The following PKP4 variants were observed in gnomAD, a reference collection of about 807,000 sequenced individuals.
PKP4 encodes the protein plakophilin-4.
Under a neutral mutation model 145.1 loss-of-function variants are expected in PKP4, and 90 were observed. That is an observed-to-expected ratio of 0.62 (90% confidence interval 0.52 to 0.74). The LOEUF is 0.74. Among genes scored for constraint, PKP4 ranks in the 30% least tolerant of loss-of-function variants. The probability of loss-of-function intolerance (pLI) is 0.00; values close to 1 mark genes in which losing one functional copy is unlikely to be tolerated. For synonymous variants in PKP4, 563 were observed against 577.2 expected, an observed-to-expected ratio of 0.98 and a Z score of 0.35; for missense variants, 1,340 against 1,482.7, an observed-to-expected ratio of 0.90 and a Z score of 1.58.
rs75193131 is a variant in PKP4, at chr2:158,464,573, G to A, written c.-6+7355G>A. Among the ~76,000 whole-genome samples, 1,097 of 152,310 alleles carry A rather than the reference G, an allele frequency of 7.2e-3. 14 individuals carry two copies. Among genetic ancestry groups the A allele is most frequent in the African/African-American group, 0.025 (1,045 of 41,558 alleles). ...TGCTAATGCAATAAGCACATTATTTGCAAAGGGAAGCATTAATTATACTAC... is the reference window on the plus strand; with the variant it reads ...TGCTAATGCAATAAGCACATTATTTACAAAGGGAAGCATTAATTATACTAC... On this transcript the variant is annotated intron_variant, in intron 1 of 21. Transcript: ENST00000389759.
intron 11 of PKP4, among the ~76,000 whole-genome samples, chr2:158,654,423 TG>T (rs2055708227): frequency 1.3e-5 from 2 of 152,226 alleles, no homozygotes; most frequent in South Asian, 4.1e-4. Flanking sequence ...TCATTTTAGT[TG>T]ACTAAAAGAT....
At chr2:158,577,177 G>A (rs2047923215) in intron 2 of PKP4, 94 bp from the exon 3 acceptor site, 3 of 722,388 alleles carry the variant, frequency 4.2e-6, no homozygotes, top group Non-Finnish European at 7.0e-6. Context: ...TTATGGGTAC[G>A]TTCCTATGTT....
chr2:158,663,338 C>T lies in PKP4; in HGVS notation c.2470C>T (p.Pro824Ser). The T allele has an allele frequency of 6.2e-7, 1 of 1,614,026 alleles. No homozygotes were observed. The highest frequency in any genetic ancestry group is 8.5e-7 in the Non-Finnish European group (1 of 1,179,928). Residue 824 changes from proline (P) to serine (S), a missense_variant, in exon 15 of 22, where the codon CCA becomes TCA. By Grantham distance (74) the Pro-to-Ser change is moderately conservative. Coordinates refer to ENST00000389759, the MANE Select transcript of PKP4 (RefSeq NM_003628.6). Reference sequence around the variant, plus strand: ...CAAAGGGGTTGAGATGCTGTGGCACCCATCGGTGGTAAAACCATATCTGAC... The same window carrying T: ...CAAAGGGGTTGAGATGCTGTGGCACTCATCGGTGGTAAAACCATATCTGAC... The part of the protein sequence containing the change: ...SPKGVEMLWH[P>S]SVVKPYLTLL...
chr2:158,510,519 A>T (rs747785583), intron 1 of PKP4, among the ~76,000 whole-genome samples: 1 of 152,220 alleles, frequency 6.6e-6, no homozygotes, highest in African/African-American at 2.4e-5. Context: ...GAGTCATCGA[A>T]AAAAGGCAAT....
chr2:158,673,677 A>T lies in PKP4; in HGVS notation c.2925A>T (p.Arg975Ser). ...LVNITKGRGD[R>S]SSLKVVKAAA... ...ATTAATATCCTTGCTCTCTACCTAGATCATCTCTGAAAGTGGTGAAGGCAG... is the reference window on the plus strand; with the variant it reads ...ATTAATATCCTTGCTCTCTACCTAGTTCATCTCTGAAAGTGGTGAAGGCAG... The change falls in exon 18 of 22, where the codon AGA (arginine) becomes AGT (serine). Residue 975 changes from arginine to serine, a missense_variant and splice_region_variant. By Grantham distance (110) the Arg-to-Ser change is moderately radical. Coordinates refer to ENST00000389759, the MANE Select transcript of PKP4 (RefSeq NM_003628.6). The T allele has an allele frequency of 6.2e-7, 1 of 1,606,996 alleles. No individual in the cohort carries two copies.
chr2:158,554,309 G>A (rs1004335299), intron 2 of PKP4, among the ~76,000 whole-genome samples: 26 of 152,086 alleles, frequency 1.7e-4, no homozygotes, highest in African/African-American at 6.3e-4. Flanking sequence ...CCAGGCTCTG[G>A]TAGGGCAGTC....
At chr2:158,528,644 AAAAAAG>A (rs2043199436) in intron 1 of PKP4, among the ~76,000 whole-genome samples, 1 of 141,024 alleles carries the variant, frequency 7.1e-6, no homozygotes, top group African/African-American at 2.6e-5. Flanking sequence ...AATAAAAAAA[AAAAAAG>A]AAAAGAAACT....
chr2:158,531,178 A>G (rs781187265), intron 1 of PKP4, among the ~76,000 whole-genome samples: 11 of 152,170 alleles, frequency 7.2e-5, no homozygotes, highest in Non-Finnish European at 1.5e-4. Context: ...ATATAATTCT[A>G]TGTCTTTTTA....
chr2:158,659,542 T>A (rs539823587), intron 12 of PKP4: 1 of 152,238 alleles, frequency 6.6e-6, no homozygotes, highest in East Asian at 1.9e-4. Flanking sequence ...TAACAGTAGG[T>A]GCCATAAAAA....
intron 2 of PKP4, among the ~76,000 whole-genome samples, chr2:158,539,646 C>T (rs2044349432): frequency 6.6e-6 from 1 of 152,054 alleles, no homozygotes; most frequent in South Asian, 2.1e-4. Context: ...ACCGTGTAAC[C>T]CACAGTGAAG....
chr2:158,479,317 G>A (rs1267108146), intron 1 of PKP4, among the ~76,000 whole-genome samples: 1 of 151,912 alleles, frequency 6.6e-6, no homozygotes, highest in East Asian at 1.9e-4. Flanking sequence ...TCCACCTCCC[G>A]GGATTAAGCG....
At chr2:158,672,563 G>A (rs1269429876) in intron 17 of PKP4, among the ~76,000 whole-genome samples, 3 of 152,214 alleles carry the variant, frequency 2.0e-5, no homozygotes, top group Non-Finnish European at 4.4e-5. Context: ...GCTATGTGGG[G>A]CAAGTGCCCT....
chr2:158,564,320 G>C (rs1348795668), intron 2 of PKP4, among the ~76,000 whole-genome samples: 1 of 151,960 alleles, frequency 6.6e-6, no homozygotes, highest in African/African-American at 2.4e-5. Flanking sequence ...CATATATAAT[G>C]GTCCTTCTGA....
At chr2:158,567,558 G>A (rs1295588027) in intron 2 of PKP4, among the ~76,000 whole-genome samples, 1 of 152,206 alleles carries the variant, frequency 6.6e-6, no homozygotes, top group Non-Finnish European at 1.5e-5. Flanking sequence ...AGGCAAGTCA[G>A]TTCTCTATGA....
At chr2:158,623,665 C>T (rs1489140671) in intron 6 of PKP4, among the ~76,000 whole-genome samples, 11 of 152,254 alleles carry the variant, frequency 7.2e-5, no homozygotes, top group Admixed American at 2.6e-4. Context: ...CAGTTGCATG[C>T]GACACCTGGA....
At chr2:158,676,902 T>A in intron 20 of PKP4, 35 bp downstream of exon 20, 8 of 1,613,672 alleles carry the variant, frequency 5.0e-6, no homozygotes, top group Non-Finnish European at 6.8e-6. Flanking sequence ...TACAGTCTCT[T>A]GAAAAGCCGC....
intron 1 of PKP4, among the ~76,000 whole-genome samples, chr2:158,487,106 A>G (rs1198972418): frequency 6.6e-6 from 1 of 152,202 alleles, no homozygotes; most frequent in Admixed American, 6.5e-5. Flanking sequence ...ACAGAGAAGT[A>G]GTGGCCAGAG....
At chr2:158,573,891 G>A (rs1267600979) in intron 2 of PKP4, among the ~76,000 whole-genome samples, 2 of 152,212 alleles carry the variant, frequency 1.3e-5, no homozygotes, top group Admixed American at 6.5e-5. Flanking sequence ...TTCTCAGAGG[G>A]TGTGCCCATG....
intron 1 of PKP4, among the ~76,000 whole-genome samples, chr2:158,507,179 G>C (rs147545097): frequency 2.1e-3 from 313 of 152,030 alleles, no homozygotes; most frequent in Admixed American, 3.5e-3. Flanking sequence ...TTTTGCAGTG[G>C]TGCAGATATA....
Sources: allele counts gnomAD v4.1 joint callset (sites outside exome capture counted in the v4.1 genomes callset), GRCh38; gene constraint gnomAD v4.1.1; transcripts MANE v1.5; gene names NCBI Gene and HGNC (gene_info 2026-07-23, HGNC 2026-07-21).